Variants in NOTCH2 observed in about 807,000 individuals in gnomAD.
The protein encoded by NOTCH2 is notch receptor 2, also known as neurogenic locus notch homolog protein 2.
Under a neutral mutation model 235.8 loss-of-function variants are expected in NOTCH2, and 29 were observed. The observed-to-expected ratio is 0.12, with a 90% confidence interval of 0.09 to 0.17. NOTCH2 has a LOEUF of 0.17. Ranked by LOEUF, NOTCH2 falls within the 10% of genes least tolerant of loss-of-function variation. The probability of loss-of-function intolerance (pLI) is 1.00; values close to 1 mark genes in which losing one functional copy is unlikely to be tolerated. For synonymous variants in NOTCH2, 1,086 were observed against 1,141.5 expected (o/e 0.95, Z 0.98); for missense variants, 2,285 against 3,150.2 (o/e 0.73, Z 6.57).
chr1:119,919,536 C>G lies in NOTCH2; in HGVS notation c.5557G>C (p.Asp1853His), dbSNP rs201094615. The G allele has an allele frequency of 1.6e-5, 26 of 1,614,080 alleles. No homozygotes were observed. In the East Asian group the frequency reaches 2.9e-4, roughly 18 times the overall value. The change falls in exon 31 of 34, where the codon GAC becomes CAC. Residue 1853 changes from aspartate to histidine, a missense_variant. By Grantham distance (81) the Asp-to-His change is moderately conservative. This residue lies in a region of NOTCH2 where 1,173 missense variants were observed against 1,515.3 expected (regional missense o/e 0.77). Transcript: ENST00000256646. ...DLSDEDEDAEDSSANIITDLV... is the reference protein window; with the variant it reads ...DLSDEDEDAEHSSANIITDLV... The stretch of plus-strand genomic sequence containing the variant: ...TCTGTGATGATGTTAGCAGAAGAGT[C>G]CTCTGCATCTTCATCTTCATCACTC...
At chr1:120,041,955 A>AGAAAGGAAAG (rs1486771965) in intron 1 of NOTCH2, among the ~76,000 whole-genome samples, 1 of 146,762 alleles carries the variant, frequency 6.8e-6, no homozygotes, top group Non-Finnish European at 1.5e-5. Context: ...AAGGAGAGAG[A>AGAAAGGAAAG]GAAAGGAAAG....
At chr1:119,917,458 A>T (rs1649126641) in intron 33 of NOTCH2, among the ~76,000 whole-genome samples, 2 of 152,268 alleles carry the variant, frequency 1.3e-5, no homozygotes, top group Non-Finnish European at 2.9e-5. Flanking sequence ...CTGCAAGCTG[A>T]GTACTGAGAG....
At chr1:120,063,645 C>T (rs1557867618) in intron 1 of NOTCH2, among the ~76,000 whole-genome samples, 2 of 152,028 alleles carry the variant, frequency 1.3e-5, no homozygotes, top group Non-Finnish European at 2.9e-5. Flanking sequence ...GAAAAATGAC[C>T]ACAGGATCTA....
Position 120,069,418 on chromosome 1 carries a change from C to T in NOTCH2, c.-12G>A. On this transcript the variant is annotated 5_prime_UTR_variant, in exon 1 of 34. Transcript: ENST00000256646. Reference sequence around the variant, plus strand: ...CGCAGGGCGGGCATCTTCTCGGTCGCCTCCTCCTCCGCCGCCGCCGCCGCC... The same window carrying T: ...CGCAGGGCGGGCATCTTCTCGGTCGTCTCCTCCTCCGCCGCCGCCGCCGCC... 1 of 1,539,252 alleles carries T rather than the reference C, an allele frequency of 6.5e-7. No individual in the cohort carries two copies. The highest frequency in any genetic ancestry group is 8.7e-7 in the Non-Finnish European group (1 of 1,150,748).
At chr1:119,996,244 G>A (rs1332412870) in intron 4 of NOTCH2, 1 of 180,824 alleles carries the variant, frequency 5.5e-6, no homozygotes, top group Non-Finnish European at 1.2e-5. Context: ...CAGGCCCCAA[G>A]CTCCCCGACA....
chr1:120,029,225 T>C (rs1208837511), intron 2 of NOTCH2, among the ~76,000 whole-genome samples: 1 of 150,298 alleles, frequency 6.7e-6, no homozygotes, highest in Non-Finnish European at 1.5e-5. Context: ...CTGGGCCGAA[T>C]ATTAAAGTTG....
chr1:119,997,342 G>T lies in NOTCH2; in HGVS notation c.416-10C>A, dbSNP rs782510790. 2 of 1,613,820 alleles carry T rather than the reference G, an allele frequency of 1.2e-6. No homozygotes were observed. Among genetic ancestry groups the T allele is most frequent in the Non-Finnish European group, 8.5e-7 (1 of 1,179,734 alleles). The stretch of plus-strand genomic sequence containing the variant: ...CATTGGCACTCCTTACCTAAAGGAA[G>T]GATAACAAAACTCAGTACTGGCCAC... On this transcript the variant is annotated splice_polypyrimidine_tract_variant and intron_variant, in intron 3 of 33. Transcript: ENST00000256646.
chr1:119,976,102 A>G (rs2244107), intron 5 of NOTCH2, among the ~76,000 whole-genome samples: 3 of 152,224 alleles, frequency 2.0e-5, no homozygotes, highest in Non-Finnish European at 2.9e-5. Flanking sequence ...AAGAGGAACA[A>G]ATAAAAAATG....
Position 119,935,454 on chromosome 1 carries a change from A to G in NOTCH2, c.3655+18T>C, listed in dbSNP as rs782010377. 5.0e-6 allele frequency: 8 copies of G among 1,614,072 alleles called. No homozygotes were observed. Among genetic ancestry groups the G allele is most frequent in the Admixed American group, 1.7e-5 (1 of 60,004 alleles). On this transcript the variant is annotated intron_variant, in intron 22 of 33. Coordinates refer to ENST00000256646, the MANE Select transcript of NOTCH2 (RefSeq NM_024408.4). Reference sequence around the variant, plus strand: ...AGACAATGCCCTGGATGGAAAATGGATAAGGATGATTTCATACCCCGAGTG... The same window carrying G: ...AGACAATGCCCTGGATGGAAAATGGGTAAGGATGATTTCATACCCCGAGTG...
chr1:120,041,070 AAATAT>A (rs1190219167), intron 1 of NOTCH2, among the ~76,000 whole-genome samples: 3 of 109,534 alleles, frequency 2.7e-5, no homozygotes, highest in African/African-American at 2.2e-4. Flanking sequence ...AAAAAAAAAA[AAATAT>A]ATATATATAT....
rs1403687128 is a variant in NOTCH2, at chr1:119,941,559, T to C, written c.2948A>G (p.His983Arg). The change falls in exon 18 of 34, where the codon CAT becomes CGT. Residue 983 changes from histidine (H) to arginine (R), a missense_variant. By Grantham distance (29) the His-to-Arg change is conservative. Coordinates refer to ENST00000256646, the MANE Select transcript of NOTCH2 (RefSeq NM_024408.4). ...GCACTCATTGATGTTGTTCTCACAATGGACTCCATCAAATCCTGCCTGGCA... is the reference window on the plus strand; with the variant it reads ...GCACTCATTGATGTTGTTCTCACAACGGACTCCATCAAATCCTGCCTGGCA... ...CKCQAGFDGV[H>R]CENNINECTE... is the part of the protein sequence containing the mutation. 2.5e-6 allele frequency: 4 copies of C among 1,613,946 alleles called. No individual in the cohort carries two copies. The highest frequency in any genetic ancestry group is 2.7e-5 in the African/African-American group (2 of 74,936).
rs1440413679 is a variant in NOTCH2, at chr1:120,067,174, TA to T, written c.73+2159del. On this transcript the variant is annotated intron_variant, in intron 1 of 33. Coordinates refer to ENST00000256646, the MANE Select transcript of NOTCH2 (RefSeq NM_024408.4). ...CTGGTACCTTAGCAAAACACAATAA[TA>T]AATTAAGAGGATTCAAGAAGCCTTC... Among the ~76,000 whole-genome samples, 6 of 152,016 alleles carry T rather than the reference TA, an allele frequency of 3.9e-5. No individual in the cohort carries two copies. In the East Asian group the frequency reaches 9.6e-4, roughly 24 times the overall value.
rs1290072854 is a variant in NOTCH2, at chr1:119,925,557, G to A, written c.4259C>T (p.Thr1420Ile). The A allele has an allele frequency of 6.2e-7, 1 of 1,614,034 alleles. No individual in the cohort carries two copies. The highest frequency in any genetic ancestry group is 1.3e-5 in the African/African-American group (1 of 74,916). Reference protein sequence around the residue: ...RCELYTAPPSTPPATCLSQYC... With the variant: ...RCELYTAPPSIPPATCLSQYC... ...CTGGCTCAGACAGGTGGCAGGAGGG[G>A]TGCTGGGGGGTGCCGTGTAGAGTTC... Residue 1420 changes from threonine (T) to isoleucine (I), a missense_variant, in exon 25 of 34, where the codon ACC becomes ATC. Around this residue, in one of 6 missense-constraint regions of NOTCH2, gnomAD observed 1,173 missense variants for 1,515.3 expected, o/e 0.77. Transcript: ENST00000256646.
intron 23 of NOTCH2, 113 bp from the exon 24 acceptor site, chr1:119,926,724 G>GTTCA: frequency 1.2e-6 from 1 of 814,280 alleles, no homozygotes; most frequent in Non-Finnish European, 2.1e-6. Context: ...GTGTGAGAGA[G>GTTCA]TTCAGTTCTA....
chr1:119,944,212 T>C (rs1024508825), intron 17 of NOTCH2, among the ~76,000 whole-genome samples: 2 of 151,588 alleles, frequency 1.3e-5, no homozygotes, highest in African/African-American at 2.4e-5. Context: ...ACCAAAAATA[T>C]CAGTAAACTC....
chr1:120,012,553 T>C (rs1653244224), intron 2 of NOTCH2, among the ~76,000 whole-genome samples: 1 of 152,112 alleles, frequency 6.6e-6, no homozygotes, highest in Non-Finnish European at 1.5e-5. Flanking sequence ...TTACTCCAAG[T>C]TTCCTTGATT....
At position 120,014,179 on chromosome 1, in the gene NOTCH2, G is replaced by T. The variant is rs1287713005; in HGVS notation, c.156-8591C>A. Among the ~76,000 whole-genome samples, 7 of 152,264 alleles carry T rather than the reference G, an allele frequency of 4.6e-5. No homozygotes were observed. In the East Asian group the frequency reaches 1.2e-3, roughly 25 times the overall value. The stretch of plus-strand genomic sequence containing the variant: ...CTTCACAGATGAGGTTGTGAATACA[G>T]AGAAAGGTTTGGGGAGCATTTTTCC... On this transcript the variant is annotated intron_variant, in intron 2 of 33. Coordinates refer to ENST00000256646, the MANE Select transcript of NOTCH2 (RefSeq NM_024408.4).
chr1:120,017,340 A>G (rs1171085244), intron 2 of NOTCH2, among the ~76,000 whole-genome samples: 5 of 151,796 alleles, frequency 3.3e-5, no homozygotes, highest in Admixed American at 2.6e-4. Flanking sequence ...CTCAACTTAA[A>G]TGTTATTTCC....
chr1:119,959,185 T>G (rs1209976754), intron 12 of NOTCH2, among the ~76,000 whole-genome samples: 1 of 152,104 alleles, frequency 6.6e-6, no homozygotes, highest in African/African-American at 2.4e-5. Flanking sequence ...AAACACATAA[T>G]CGAAAAACTC....
Sources: allele counts gnomAD v4.1 joint callset (sites outside exome capture counted in the v4.1 genomes callset), GRCh38; gene constraint gnomAD v4.1.1; regional missense constraint gnomAD v4.1.1; transcripts MANE v1.5; gene names NCBI Gene and HGNC (gene_info 2026-07-23, HGNC 2026-07-21).